The following DNAH12 variants were observed in gnomAD, a reference collection of about 807,000 sequenced individuals.
DNAH12 encodes the protein dynein axonemal heavy chain 12, also known as axonemal beta dynein heavy chain 12.
A neutral mutation model predicts 371.5 loss-of-function variants in DNAH12; 285 were observed. That is an observed-to-expected ratio of 0.77 (90% CI 0.70 to 0.85). The LOEUF (loss-of-function observed/expected upper bound fraction) is 0.85. DNAH12 is among the 40% of genes least tolerant of loss of function. The pLI is 0.00. For missense variants in DNAH12, 3,611 were observed against 3,689.4 expected, an observed-to-expected ratio of 0.98 and a Z score of 0.55; for synonymous variants, 1,200 against 1,213.0, an observed-to-expected ratio of 0.99 and a Z score of 0.22.
rs774636397 is a variant in DNAH12, at chr3:57,502,434, C to T, written c.1132G>A (p.Val378Ile). 6.8e-6 allele frequency: 11 copies of T among 1,614,192 alleles called. No homozygotes were observed. The South Asian group carries it at 1.2e-4, about 18-fold the overall frequency. The change falls in exon 10 of 74, where the codon GTA (valine) becomes ATA (isoleucine). Residue 378 changes from valine to isoleucine, a missense_variant. This residue lies in a region of DNAH12 where 1,314 missense variants were observed against 1,398.7 expected (regional missense o/e 0.94). Transcript: ENST00000495027. ...PSWLSGTSTP[V>I]NLDTELPEHV... ...TCAGGAAGTTCTGTGTCAAGATTTACTGGTGTTGAAGTTCCTGATAGCCAA... is the reference window on the plus strand; with the variant it reads ...TCAGGAAGTTCTGTGTCAAGATTTATTGGTGTTGAAGTTCCTGATAGCCAA...
intron 32 of DNAH12, among the ~76,000 whole-genome samples, chr3:57,430,370 ATTCT>A (rs1269242813): frequency 5.3e-5 from 8 of 152,136 alleles, no homozygotes; most frequent in Admixed American, 4.6e-4. Context: ...AAAATGAATA[ATTCT>A]TTATTATCAT....
chr3:57,456,585 GTTGT>G (rs1171648431), intron 22 of DNAH12, among the ~76,000 whole-genome samples: 2 of 152,090 alleles, frequency 1.3e-5, no homozygotes, highest in African/African-American at 4.8e-5. Flanking sequence ...TTTTTAAGTA[GTTGT>G]TTAAGTGTAA....
intron 54 of DNAH12, 107 bp from the exon 55 acceptor site, chr3:57,375,623 AG>A (rs1207662048): frequency 6.6e-6 from 1 of 152,190 alleles, no homozygotes; most frequent in Non-Finnish European, 1.5e-5. Flanking sequence ...AATAACTCTA[AG>A]GAACAGAAAG....
chr3:57,424,969 A>G (rs2064718093), intron 35 of DNAH12, 53 bp downstream of exon 35: 1 of 680,288 alleles, frequency 1.5e-6, no homozygotes, highest in Admixed American at 2.2e-5. Flanking sequence ...AACATCATGT[A>G]CCAGAAGCAT....
At chr3:57,414,014 C>T (rs1311724349) in intron 38 of DNAH12, 102 bp from the exon 39 acceptor site, 20 of 1,214,664 alleles carry the variant, frequency 1.6e-5, no homozygotes, top group Non-Finnish European at 2.1e-5. Context: ...CCCATTTTGC[C>T]AGAATCCATG....
At position 57,314,433 on chromosome 3, in the gene DNAH12, A is replaced by G. The variant is rs1010335277; in HGVS notation, c.10662+61T>C. 18 of 1,541,512 alleles carry G rather than the reference A, an allele frequency of 1.2e-5. 1 individual carries two copies. The highest frequency in any genetic ancestry group is 7.4e-5 in the East Asian group (3 of 40,654). ...GTGAATCAGCTATTCCAAGCAAAAG[A>G]CTTGCCTAGGGCCTGATAAATAGTG... On this transcript the variant is annotated intron_variant, in intron 66 of 73. Transcript: ENST00000495027.
rs57508616 is a variant in DNAH12 at position 57,418,365 on chromosome 3, C to CAAAAAA, written c.5714+996_5714+1001dup. Among the ~76,000 whole-genome samples the CAAAAAA allele has an allele frequency of 4.0e-4, 17 of 42,874 alleles. 2 individuals are homozygous for CAAAAAA. Among genetic ancestry groups the CAAAAAA allele is most frequent in the African/African-American group, 1.4e-3 (16 of 11,680 alleles). 28.1% of individuals were successfully genotyped at this position (42,874 alleles called of 152,430 possible). ...GATGAGTCTGGGCAACCTGTCTCTA[C>CAAAAAA]AAAAAAAAAAAAAAAAAAAAAAAAA... On this transcript the variant is annotated intron_variant, in intron 37 of 73. Transcript: ENST00000495027.
chr3:57,474,215 G>T (rs1382382783), intron 13 of DNAH12, among the ~76,000 whole-genome samples: 1 of 151,984 alleles, frequency 6.6e-6, no homozygotes, highest in Middle Eastern at 3.4e-3. Flanking sequence ...TTATATAATG[G>T]TATATGAAGA....
chr3:57,356,607 G>C (rs1272048049), intron 59 of DNAH12, among the ~76,000 whole-genome samples: 1 of 151,856 alleles, frequency 6.6e-6, no homozygotes, highest in Non-Finnish European at 1.5e-5. Context: ...AAATATTTAA[G>C]AGAGAGAAGA....
chr3:57,435,363 C>T (rs1218113943), intron 30 of DNAH12, among the ~76,000 whole-genome samples: 1 of 105,338 alleles, frequency 9.5e-6, no homozygotes, highest in Non-Finnish European at 1.9e-5. Context: ...TAGACCAAGA[C>T]TCTGTCTCCC....
intron 72 of DNAH12, 110 bp downstream of exon 72, chr3:57,296,234 T>G: frequency 1.5e-6 from 1 of 667,154 alleles, no homozygotes; most frequent in Non-Finnish European, 2.4e-6. Context: ...AGAGTTCTGA[T>G]GTTATTATTA....
intron 48 of DNAH12, 116 bp from the exon 49 acceptor site, chr3:57,385,121 G>A (rs990488494): frequency 6.6e-6 from 1 of 152,160 alleles, no homozygotes; most frequent in African/African-American, 2.4e-5. Context: ...GGATAGAAGG[G>A]TCTATAATAA....
chr3:57,471,325 T>C (rs1480133250), intron 15 of DNAH12, 147 bp downstream of exon 15: 2 of 437,146 alleles, frequency 4.6e-6, no homozygotes, highest in African/African-American at 2.1e-5. Flanking sequence ...TAGATAAATA[T>C]ATATGTATAT....
chr3:57,314,903 A>G (rs544105396), intron 65 of DNAH12, among the ~76,000 whole-genome samples: 1 of 152,338 alleles, frequency 6.6e-6, no homozygotes, highest in South Asian at 2.1e-4. Flanking sequence ...AGTATTGACT[A>G]ATAATACTTT....
chr3:57,306,785 C>G (rs2061480911), intron 69 of DNAH12, among the ~76,000 whole-genome samples: 1 of 152,154 alleles, frequency 6.6e-6, no homozygotes, highest in African/African-American at 2.4e-5. Flanking sequence ...TTTACCTGTC[C>G]TAAAACCAGA....
chr3:57,302,200 C>A (rs2061361267), intron 69 of DNAH12, among the ~76,000 whole-genome samples: 1 of 151,946 alleles, frequency 6.6e-6, no homozygotes, highest in Admixed American at 6.6e-5. Flanking sequence ...GCTATTTTTG[C>A]TTAGGACCTG....
chr3:57,384,188 C>T (rs1344753051), intron 49 of DNAH12, among the ~76,000 whole-genome samples: 1 of 152,088 alleles, frequency 6.6e-6, no homozygotes, highest in Non-Finnish European at 1.5e-5. Context: ...CTGGAAATGG[C>T]CTTTAAGTTT....
chr3:57,476,174 T>C (rs887183510), intron 13 of DNAH12, among the ~76,000 whole-genome samples: 1 of 152,138 alleles, frequency 6.6e-6, no homozygotes, highest in Non-Finnish European at 1.5e-5. Context: ...TGATTCCCTT[T>C]ATATAAAGAC....
At chr3:57,339,717 C>T (rs2062345863) in intron 60 of DNAH12, among the ~76,000 whole-genome samples, 1 of 151,994 alleles carries the variant, frequency 6.6e-6, no homozygotes, top group Non-Finnish European at 1.5e-5. Flanking sequence ...ACACTCAGAA[C>T]TATACAAATA....
Sources: gnomAD v4.1 joint callset for allele counts (sites outside exome capture counted in the v4.1 genomes callset) on GRCh38, gnomAD v4.1.1 for gene constraint, gnomAD v4.1.1 regional missense constraint, MANE v1.5 for transcripts, NCBI Gene and HGNC (gene_info 2026-07-23, HGNC 2026-07-21) for gene names.